LYZL2: variants seen among roughly 807,000 people sequenced by gnomAD.
LYZL2 encodes lysozyme like 2, also known as lysozyme-like protein 2.
Under a neutral mutation model 17.1 loss-of-function variants are expected in LYZL2, and 13 were observed. The ratio of observed to expected loss-of-function variants is 0.76; its 90% CI spans 0.49 to 1.21. The LOEUF (loss-of-function observed/expected upper bound fraction) is 1.21. Ranked by LOEUF, LYZL2 falls within the 50% of genes most tolerant of loss-of-function variation. The probability of loss-of-function intolerance (pLI) is 0.00; values close to 1 mark genes in which losing one functional copy is unlikely to be tolerated. For synonymous variants in LYZL2, 63 were observed against 74.4 expected (o/e 0.85, Z 0.79); for missense variants, 166 against 189.2 (o/e 0.88, Z 0.72).
intron 1 of LYZL2, among the ~76,000 whole-genome samples, chr10:30,627,808 A>G (rs1348960643): frequency 1.3e-5 from 2 of 152,208 alleles, no homozygotes; most frequent in East Asian, 3.8e-4. Flanking sequence ...GTGTAGAAAC[A>G]GACACCCCAT....
chr10:30,619,117 C>T (rs1838580011), intron 3 of LYZL2, among the ~76,000 whole-genome samples: 1 of 152,204 alleles, frequency 6.6e-6, no homozygotes, highest in Admixed American at 6.5e-5. Flanking sequence ...CAAATCCAAA[C>T]CACAATGAGA....
chr10:30,619,017 T>A lies in LYZL2; in HGVS notation c.299-6117A>T, dbSNP rs9416924. On this transcript the variant is annotated intron_variant, in intron 3 of 4. Coordinates refer to ENST00000647634, the MANE Select transcript of LYZL2 (RefSeq NM_183058.3). Reference sequence around the variant, plus strand: ...CAACCCCACCAACAAGTGGGCAAAGTATATGAACAGACACTTCTCAAAAGA... The same window carrying A: ...CAACCCCACCAACAAGTGGGCAAAGAATATGAACAGACACTTCTCAAAAGA... 2.6e-5 allele frequency among the ~76,000 whole-genome samples: 4 copies of A among 152,208 alleles called. No homozygotes were observed. The South Asian group carries it at 8.3e-4, about 32-fold the overall frequency.
chr10:30,623,927 T>C (rs576062952), intron 3 of LYZL2, among the ~76,000 whole-genome samples: 2 of 152,304 alleles, frequency 1.3e-5, no homozygotes, highest in African/African-American at 4.8e-5. Context: ...TCTCTTACTG[T>C]AATGAGGTGA....
chr10:30,611,607 G>GAA (rs1481447919), downstream of LYZL2, among the ~76,000 whole-genome samples: 21 of 138,134 alleles, frequency 1.5e-4, no homozygotes, highest in African/African-American at 5.3e-4. Flanking sequence ...AAGAAAGAAA[G>GAA]AAAGAAAGAG....
the LYZL2 span, among the ~76,000 whole-genome samples, chr10:30,606,332 C>T: frequency 3.3e-5 from 5 of 150,270 alleles, no homozygotes; most frequent in South Asian, 6.3e-4. Context: ...GGAAAAATAC[C>T]GAAATAGAAT....
chr10:30,617,674 CAAAAAAAA>C (rs1165550893), intron 3 of LYZL2, among the ~76,000 whole-genome samples: 1 of 50,216 alleles, frequency 2.0e-5, no homozygotes, highest in African/African-American at 6.8e-5. Context: ...GACTCTGTCT[CAAAAAAAA>C]AAAAAAAAAA....
chr10:30,626,028 A>T (rs145402020), intron 3 of LYZL2, 77 bp downstream of exon 3: 4 of 1,551,108 alleles, frequency 2.6e-6, no homozygotes, highest in Non-Finnish European at 3.5e-6. Context: ...AGTTAAAGCA[A>T]GACATGGTTG....
At chr10:30,625,801 T>G (rs1838691970) in intron 3 of LYZL2, among the ~76,000 whole-genome samples, 1 of 152,252 alleles carries the variant, frequency 6.6e-6, no homozygotes, top group African/African-American at 2.4e-5. Flanking sequence ...GCAGCTTCCT[T>G]TTTCTTACTG....
chr10:30,614,517 G>A lies in LYZL2; in HGVS notation c.299-1617C>T, dbSNP rs192720093. 7.6e-3 allele frequency among the ~76,000 whole-genome samples: 1,156 copies of A among 152,278 alleles called. 7 individuals carry two copies. Among genetic ancestry groups the A allele is most frequent in the Non-Finnish European group, 0.011 (748 of 68,020 alleles). On this transcript the variant is annotated intron_variant, in intron 3 of 4. Transcript: ENST00000647634. ...TGTCTGCTCATCACACAACTGCAGC[G>A]GGGGCAGCATGTCTTCCCTTAGCAG...
chr10:30,612,115 G>A, intron 4 of LYZL2, 91 bp from the exon 5 acceptor site: 3 of 1,476,196 alleles, frequency 2.0e-6, no homozygotes, highest in South Asian at 1.2e-5. Flanking sequence ...AACCAAAATC[G>A]CCAGCGGAAC....
chr10:30,629,546 C>T (rs766613784), intron 1 of LYZL2, 47 bp downstream of exon 1: 3 of 1,601,586 alleles, frequency 1.9e-6, no homozygotes, highest in Non-Finnish European at 2.6e-6. Context: ...CCTGCCATTG[C>T]TGGTTCTCAG....
downstream of LYZL2, among the ~76,000 whole-genome samples, chr10:30,611,206 C>G (rs387222): frequency 1.1e-4 from 17 of 152,158 alleles, no homozygotes; most frequent in African/African-American, 3.9e-4. Context: ...AGTCTTAACA[C>G]GATGCCATTA....
intron 3 of LYZL2, among the ~76,000 whole-genome samples, chr10:30,619,166 G>A (rs1838580660): frequency 6.6e-6 from 1 of 152,194 alleles, no homozygotes; most frequent in African/African-American, 2.4e-5. Context: ...TTATTAAAAA[G>A]TCAGGAAACA....
chr10:30,614,384 C>T lies in LYZL2; in HGVS notation c.299-1484G>A, dbSNP rs186680349. ...GCCCATCAGAGTGGCCCAAGTCAGG[C>T]CCACATGCCAGGTCTGAATGCCTCT... On this transcript the variant is annotated intron_variant, in intron 3 of 4. Coordinates refer to ENST00000647634, the MANE Select transcript of LYZL2 (RefSeq NM_183058.3). 3.3e-5 allele frequency among the ~76,000 whole-genome samples: 5 copies of T among 152,366 alleles called. No homozygotes were observed. In the East Asian group the frequency reaches 9.6e-4, roughly 29 times the overall value.
At chr10:30,616,626 T>C (rs930463157) in intron 3 of LYZL2, among the ~76,000 whole-genome samples, 1 of 152,264 alleles carries the variant, frequency 6.6e-6, no homozygotes. Context: ...ATTGAAATCT[T>C]ACTCTATGTC....
chr10:30,620,294 A>G (rs1010334269), intron 3 of LYZL2, among the ~76,000 whole-genome samples: 2 of 152,226 alleles, frequency 1.3e-5, no homozygotes, highest in African/African-American at 4.8e-5. Flanking sequence ...CGCCCAGAAC[A>G]TGCTTACTAG....
chr10:30,608,914 A>G (rs1392164865), downstream of LYZL2, among the ~76,000 whole-genome samples: 1 of 152,012 alleles, frequency 6.6e-6, no homozygotes, highest in African/African-American at 2.4e-5. Context: ...ATCATAGTTC[A>G]CTGAAGCCTG....
intron 1 of LYZL2, among the ~76,000 whole-genome samples, chr10:30,627,622 A>G (rs1838735115): frequency 6.6e-6 from 1 of 152,190 alleles, no homozygotes; most frequent in Non-Finnish European, 1.5e-5. Context: ...AATCCAGTAT[A>G]GACATAGAAC....
chr10:30,620,204 G>C, intron 3 of LYZL2, among the ~76,000 whole-genome samples: 1 of 152,192 alleles, frequency 6.6e-6, no homozygotes, highest in Non-Finnish European at 1.5e-5. Context: ...CAGATCCCTG[G>C]GTGGAGATTT....
Sources: gnomAD v4.1 joint callset for allele counts (sites outside exome capture counted in the v4.1 genomes callset) on GRCh38, gnomAD v4.1.1 for gene constraint, MANE v1.5 for transcripts, NCBI Gene and HGNC (gene_info 2026-07-23, HGNC 2026-07-21) for gene names.